ACSS3: variants seen among roughly 807,000 people sequenced by gnomAD.
ACSS3 encodes the protein acyl-CoA synthetase short chain family member 3, also known as acyl-CoA synthetase short-chain family member 3, mitochondrial.
A neutral mutation model predicts 84.2 loss-of-function variants in ACSS3; 64 were observed. The observed-to-expected ratio is 0.76, with a 90% CI of 0.62 to 0.94. ACSS3 has a LOEUF of 0.94. Among genes scored for constraint, ACSS3 ranks in the 40% least tolerant of loss-of-function variants. ACSS3 has a pLI of 0.00. For synonymous variants in ACSS3, 317 were observed against 310.1 expected (o/e 1.02, Z -0.23); for missense variants, 815 against 867.6 (o/e 0.94, Z 0.76).
intron 9 of ACSS3, among the ~76,000 whole-genome samples, chr12:81,208,456 C>G (rs574406055): frequency 6.6e-6 from 1 of 151,670 alleles, no homozygotes; most frequent in Non-Finnish European, 1.5e-5. Flanking sequence ...TTGGCCTTTT[C>G]CCTCTTGCTT....
intron 11 of ACSS3, among the ~76,000 whole-genome samples, chr12:81,224,551 CATAT>C (rs544655798): frequency 1.5e-5 from 2 of 129,214 alleles, no homozygotes; most frequent in African/African-American, 2.9e-5. Flanking sequence ...TACATACATA[CATAT>C]ATATATACAC....
intron 8 of ACSS3, among the ~76,000 whole-genome samples, chr12:81,184,371 C>G (rs1346798163): frequency 6.6e-6 from 1 of 151,720 alleles, no homozygotes; most frequent in Non-Finnish European, 1.5e-5. Context: ...TCTAACATTA[C>G]CCCTCAAGGA....
chr12:81,098,757 A>G (rs139754850), intron 1 of ACSS3, among the ~76,000 whole-genome samples: 184 of 152,368 alleles, frequency 1.2e-3, no homozygotes, highest in African/African-American at 4.2e-3. Context: ...TGTTGGCCTC[A>G]AAGCTCAGGC....
intron 5 of ACSS3, 21 bp downstream of exon 5, chr12:81,143,268 A>G (rs1886180754): frequency 1.2e-5 from 19 of 1,558,444 alleles, no homozygotes; most frequent in Non-Finnish European, 1.6e-5. Context: ...TCTTAGAGAT[A>G]ACTATCTATA....
chr12:81,112,660 A>T (rs1258867597), intron 2 of ACSS3, among the ~76,000 whole-genome samples: 1 of 152,202 alleles, frequency 6.6e-6, no homozygotes, highest in Non-Finnish European at 1.5e-5. Context: ...TGCTACTTTG[A>T]TTACTTGCTT....
intron 9 of ACSS3, among the ~76,000 whole-genome samples, chr12:81,211,992 T>C (rs1274647655): frequency 6.6e-6 from 1 of 152,202 alleles, no homozygotes; most frequent in Admixed American, 6.5e-5. Flanking sequence ...TTCCCTTCTC[T>C]TATATTCTTT....
At chr12:81,101,407 C>T (rs1372308980) in intron 1 of ACSS3, among the ~76,000 whole-genome samples, 1 of 151,980 alleles carries the variant, frequency 6.6e-6, no homozygotes. Context: ...AAAATACAGA[C>T]TATCCCTTTT....
At chr12:81,151,050 A>G (rs1217304963) in intron 5 of ACSS3, among the ~76,000 whole-genome samples, 1 of 152,212 alleles carries the variant, frequency 6.6e-6, no homozygotes, top group African/African-American at 2.4e-5. Context: ...TTTTAAAACA[A>G]TAAATGAACT....
At chr12:81,137,459 T>C (rs1184427330) in intron 3 of ACSS3, among the ~76,000 whole-genome samples, 1 of 152,026 alleles carries the variant, frequency 6.6e-6, no homozygotes, top group Non-Finnish European at 1.5e-5. Flanking sequence ...GATGGAGATA[T>C]ATATATCTGA....
chr12:81,196,565 C>T (rs887333078), intron 8 of ACSS3, among the ~76,000 whole-genome samples: 9 of 151,778 alleles, frequency 5.9e-5, no homozygotes, highest in African/African-American at 2.2e-4. Context: ...TCCATTGGAC[C>T]ATGCCAATTG....
chr12:81,218,485 T>A (rs576861804), intron 10 of ACSS3, among the ~76,000 whole-genome samples: 1 of 152,318 alleles, frequency 6.6e-6, no homozygotes, highest in East Asian at 1.9e-4. Flanking sequence ...GATCATTTGG[T>A]TTAACCTAGC....
chr12:81,231,974 C>T (rs1312571305), intron 12 of ACSS3, among the ~76,000 whole-genome samples: 2 of 151,496 alleles, frequency 1.3e-5, no homozygotes, highest in East Asian at 2.0e-4. Context: ...AAGTACTTAG[C>T]ATTTTATCTT....
intron 1 of ACSS3, among the ~76,000 whole-genome samples, chr12:81,078,666 A>G (rs1880777475): frequency 6.6e-6 from 1 of 152,156 alleles, no homozygotes; most frequent in Non-Finnish European, 1.5e-5. Context: ...CGGGAGATTT[A>G]CCTGACTGGC....
At chr12:81,207,580 T>G in intron 9 of ACSS3, among the ~76,000 whole-genome samples, 1 of 152,168 alleles carries the variant, frequency 6.6e-6, no homozygotes, top group Non-Finnish European at 1.5e-5. Context: ...ATTTTTATTT[T>G]CCTTTCTATA....
At chr12:81,224,088 A>G (rs17008301) in intron 11 of ACSS3, among the ~76,000 whole-genome samples, 7,416 of 151,994 alleles carry the variant, frequency 0.049, 355 homozygotes, top group African/African-American at 0.11. Context: ...AGGACTCTCA[A>G]TTCATAATTG....
intron 9 of ACSS3, among the ~76,000 whole-genome samples, chr12:81,213,793 T>TTCTCTTCTCTTCTC (rs1555181605): frequency 6.5e-5 from 2 of 30,860 alleles, no homozygotes; most frequent in Non-Finnish European, 6.9e-5. Flanking sequence ...TCTCTTCTCT[T>TTCTCTTCTCTTCTC]TTCTCTTCTC....
intron 13 of ACSS3, among the ~76,000 whole-genome samples, chr12:81,245,459 C>T (rs996513246): frequency 4.6e-5 from 7 of 152,064 alleles, no homozygotes; most frequent in African/African-American, 1.7e-4. Context: ...GAGACTCTGT[C>T]TCAAAAAAAC....
intron 1 of ACSS3, among the ~76,000 whole-genome samples, chr12:81,086,141 T>C (rs147029803): frequency 1.3e-5 from 2 of 152,322 alleles, no homozygotes; most frequent in African/African-American, 4.8e-5. Flanking sequence ...AAAATTACAT[T>C]TAATTCTGGT....
intron 2 of ACSS3, among the ~76,000 whole-genome samples, chr12:81,130,528 C>CA (rs1885421758): frequency 6.6e-6 from 1 of 152,116 alleles, no homozygotes; most frequent in South Asian, 2.1e-4. Flanking sequence ...TGGATATTAG[C>CA]TCTTTGCCAG....
Sources: allele counts gnomAD v4.1 joint callset (sites outside exome capture counted in the v4.1 genomes callset), GRCh38; gene constraint gnomAD v4.1.1; transcripts MANE v1.5; gene names NCBI Gene and HGNC (gene_info 2026-07-23, HGNC 2026-07-21).